Variants in FGFR1 observed in about 807,000 individuals in gnomAD.
FGFR1 encodes the protein fibroblast growth factor receptor 1, also known as FGFR1/PLAG1 fusion.
In FGFR1, 18 loss-of-function variants were observed where a neutral mutation model predicts 93.7. The ratio of observed to expected loss-of-function variants is 0.19; its 90% CI spans 0.13 to 0.28. The LOEUF (loss-of-function observed/expected upper bound fraction) is 0.28. Among genes scored for constraint, FGFR1 ranks in the 10% least tolerant of loss-of-function variants. FGFR1 has a pLI of 1.00. For synonymous variants in FGFR1, 448 were observed against 429.3 expected (o/e 1.04, Z -0.54); for missense variants, 731 against 1,080.4 (o/e 0.68, Z 4.53).
At chr8:38,423,895 T>A (rs1819737265) in intron 7 of FGFR1, 1 of 176,820 alleles carries the variant, frequency 5.7e-6, no homozygotes, top group African/African-American at 2.4e-5. Context: ...GGTAAACAAC[T>A]TTCCCAGCTT....
chr8:38,450,260 G>A (rs1830611273), intron 2 of FGFR1, among the ~76,000 whole-genome samples: 1 of 152,176 alleles, frequency 6.6e-6, no homozygotes, highest in South Asian at 2.1e-4. Flanking sequence ...GGCCTGGGCC[G>A]CCCCGTTCAG....
At position 38,426,392 on chromosome 8, in the gene FGFR1, T is replaced by C; in HGVS notation, c.622-147A>G. On this transcript the variant is annotated intron_variant, in intron 5 of 17. Coordinates refer to ENST00000447712, the MANE Select transcript of FGFR1 (RefSeq NM_023110.3). This position sits in a 1 kb window ranked among gnomAD's most constrained non-coding sequence, Gnocchi z 4.1. ...CTGCAGGGTTGGCTAGGACAAGGCG[T>C]GGATTGCCCCCCTACCAGCCCGTTC... The C allele has an allele frequency of 8.7e-7, 1 of 1,144,024 alleles. No individual in the cohort carries two copies. The highest frequency in any genetic ancestry group is 2.4e-5 in the East Asian group (1 of 42,540). The allele number at this position is 1,144,024 out of a possible 1,614,324, so 70.9% of individuals were successfully genotyped here.
rs1815797668 is a variant in FGFR1 at position 38,414,830 on chromosome 8, A to G, written c.1926T>C (p.Phe642=). 1.9e-6 allele frequency: 3 copies of G among 1,613,766 alleles called. No individual in the cohort carries two copies. The highest frequency in any genetic ancestry group is 2.5e-6 in the Non-Finnish European group (3 of 1,180,008). Residue 642 remains phenylalanine (F), a synonymous_variant, in exon 14 of 18, where the codon TTT becomes TTC. Transcript: ENST00000447712. ...TGTGGTGAATGTCCCGTGCGAGGCC[A>G]AAGTCTGCTATCTTCATCACATTGT... is the stretch of plus-strand genomic sequence containing the variant. ...TEDNVMKIAD[F]GLARDIHHID...
chr8:38,468,355 CGG>C lies in FGFR1; in HGVS notation c.-465_-464del. On this transcript the variant is annotated 5_prime_UTR_variant, in exon 1 of 18. Coordinates refer to ENST00000447712, the MANE Select transcript of FGFR1 (RefSeq NM_023110.3). ...CGCCGCGGCGTGCCCGACTGCAGCACGGGTACCGTGCGCCCTGCGGGGCGCCC... is the reference window on the plus strand; with the variant it reads ...CGCCGCGGCGTGCCCGACTGCAGCACGTACCGTGCGCCCTGCGGGGCGCCC... The C allele has an allele frequency of 4.4e-6, 1 of 228,390 alleles. No individual in the cohort carries two copies. Among genetic ancestry groups the C allele is most frequent in the East Asian group, 6.1e-5 (1 of 16,374 alleles). 14.1% of individuals were successfully genotyped at this position (228,390 alleles called of 1,614,324 possible).
At chr8:38,419,759 T>C in intron 8 of FGFR1, 24 bp from the exon 9 acceptor site, 1 of 1,611,116 alleles carries the variant, frequency 6.2e-7, no homozygotes, top group South Asian at 1.1e-5. Flanking sequence ...AACAGGGTGT[T>C]AGCAGGCTTG....
intron 2 of FGFR1, among the ~76,000 whole-genome samples, chr8:38,439,083 A>C (rs1037427881): frequency 9.2e-5 from 14 of 152,160 alleles, no homozygotes; most frequent in Non-Finnish European, 4.4e-5. Context: ...CATTGCACTT[A>C]ATATTTCATA....
chr8:38,450,182 G>C (rs554452799), intron 2 of FGFR1, among the ~76,000 whole-genome samples: 1 of 152,200 alleles, frequency 6.6e-6, no homozygotes, highest in African/African-American at 2.4e-5. Flanking sequence ...TGGGGCTGGG[G>C]AGTATGGTGG....
At position 38,468,090 on chromosome 8, in the gene FGFR1, C is replaced by G. The variant is rs1180511613; in HGVS notation, c.-198G>C. 4.4e-6 allele frequency: 1 copy of G among 225,144 alleles called. No homozygotes were observed. The highest frequency in any genetic ancestry group is 2.2e-5 in the African/African-American group (1 of 44,830). 13.9% of individuals were successfully genotyped at this position (225,144 alleles called of 1,614,324 possible). ...CGCCGCCCCCGGGCTCTGTTCGGGT[C>G]CTGGCGGGGTCGCAAGAGCTCCGCG... On this transcript the variant is annotated 5_prime_UTR_variant, in exon 1 of 18. Coordinates refer to ENST00000447712, the MANE Select transcript of FGFR1 (RefSeq NM_023110.3).
intron 2 of FGFR1, among the ~76,000 whole-genome samples, chr8:38,432,207 G>A (rs1478847692): frequency 2.6e-5 from 4 of 151,994 alleles, no homozygotes; most frequent in Admixed American, 6.6e-5. Context: ...GGTGAGACCC[G>A]CTCTAGCTGA....
chr8:38,428,102 G>C lies in FGFR1; in HGVS notation c.449-9C>G, dbSNP rs17182303. The C allele has an allele frequency of 1.6e-3, 2,560 of 1,614,002 alleles. 1 individual carries two copies. The highest frequency in any genetic ancestry group is 2.1e-3 in the Non-Finnish European group (2,463 of 1,180,042). Reference sequence around the variant, plus strand: ...CCAATATGGAGCTACGGCTGCCCGGGGAAAGCCAAGAGAGACAGGCAGGGT... The same window carrying C: ...CCAATATGGAGCTACGGCTGCCCGGCGAAAGCCAAGAGAGACAGGCAGGGT... On this transcript the variant is annotated splice_polypyrimidine_tract_variant and intron_variant, in intron 4 of 17. Transcript: ENST00000447712.
At chr8:38,433,736 T>C (rs1006318986) in intron 2 of FGFR1, among the ~76,000 whole-genome samples, 1 of 152,250 alleles carries the variant, frequency 6.6e-6, no homozygotes, top group Non-Finnish European at 1.5e-5. Context: ...CACACTCAAT[T>C]ACATTCCATT....
intron 7 of FGFR1, chr8:38,422,739 T>C: frequency 2.5e-6 from 1 of 393,952 alleles, no homozygotes; most frequent in Non-Finnish European, 4.6e-6. Flanking sequence ...ACTCACAACT[T>C]CAGTCTGAAG....
chr8:38,440,430 T>C (rs1563559463), intron 2 of FGFR1: 8 of 1,425,958 alleles, frequency 5.6e-6, no homozygotes, highest in Non-Finnish European at 6.6e-6. Context: ...ACTCTCGGAG[T>C]CCCCAAATAG....
intron 2 of FGFR1, among the ~76,000 whole-genome samples, chr8:38,444,338 G>A (rs978035268): frequency 4.0e-5 from 6 of 151,362 alleles, no homozygotes; most frequent in Admixed American, 1.3e-4. Context: ...CAACATGAAC[G>A]TTGAGCATTT....
rs1259538191 is a variant in FGFR1 at position 38,457,425 on chromosome 8, G to A, written c.22C>T (p.Leu8Phe). 2 of 1,613,998 alleles carry A rather than the reference G, an allele frequency of 1.2e-6. No homozygotes were observed. The highest frequency in any genetic ancestry group is 8.5e-7 in the Non-Finnish European group (1 of 1,179,986). Residue 8 changes from leucine (L) to phenylalanine (F), a missense_variant, in exon 2 of 18, where the codon CTC (leucine) becomes TTC (phenylalanine). Leu to Phe is a conservative substitution (Grantham distance 22, BLOSUM62 0). Transcript: ENST00000447712. ...GCTGTGACCAGCACAGCCCAGAAGA[G>A]GAGGCACTTCCAGCTCCACATCCCA... is the stretch of plus-strand genomic sequence containing the variant. MWSWKCL[L>F]FWAVLVTATL...
intron 11 of FGFR1, 46 bp from the exon 12 acceptor site, chr8:38,417,462 G>A (rs1343063623): frequency 6.6e-7 from 1 of 1,526,474 alleles, no homozygotes; most frequent in Non-Finnish European, 9.1e-7. Context: ...AGGGAGGAGG[G>A]CAGGATAAAG....
At chr8:38,457,897 C>T (rs12114058) in intron 1 of FGFR1, among the ~76,000 whole-genome samples, 138 of 152,294 alleles carry the variant, frequency 9.1e-4, no homozygotes, top group African/African-American at 3.0e-3. Flanking sequence ...GCAAGAGAAT[C>T]GCTTGAATCC....
At chr8:38,432,908 G>GGCC (rs1823745048) in intron 2 of FGFR1, among the ~76,000 whole-genome samples, 1 of 47,482 alleles carries the variant, frequency 2.1e-5, no homozygotes, top group Non-Finnish European at 4.3e-5. Context: ...TCCCCACCGC[G>GGCC]CCCCCCCCCC....
chr8:38,465,697 T>C (rs989210241), intron 1 of FGFR1: 15 of 221,782 alleles, frequency 6.8e-5, no homozygotes, highest in Non-Finnish European at 1.2e-4. Flanking sequence ...TGGGGGTGAT[T>C]ACCCAGACCA....
Sources: allele counts gnomAD v4.1 joint callset (sites outside exome capture counted in the v4.1 genomes callset), GRCh38; gene constraint gnomAD v4.1.1; non-coding constraint Gnocchi (gnomAD v3.1); transcripts MANE v1.5; gene names NCBI Gene and HGNC (gene_info 2026-07-23, HGNC 2026-07-21).